Variants in MTMR7 observed in about 807,000 individuals in gnomAD.
The protein encoded by MTMR7 is myotubularin related protein 7.
Under a neutral mutation model 81.2 loss-of-function variants are expected in MTMR7, and 76 were observed. The observed-to-expected ratio is 0.94, with a 90% CI of 0.78 to 1.13. MTMR7 has a LOEUF of 1.13. Among genes scored for constraint, MTMR7 ranks in the 50% most tolerant of loss-of-function variants. MTMR7 has a pLI of 0.00. For synonymous variants in MTMR7, 372 were observed against 289.8 expected, an observed-to-expected ratio of 1.28 and a Z score of -2.88; for missense variants, 1,044 against 820.0, an observed-to-expected ratio of 1.27 and a Z score of -3.34.
Position 17,300,094 on chromosome 8 carries a change from C to A in MTMR7, c.1751G>T (p.Gly584Val), listed in dbSNP as rs760329234. The change falls in exon 14 of 14, where the codon GGG becomes GTG. Residue 584 changes from glycine (G) to valine (V), a missense_variant. By Grantham distance (109) the Gly-to-Val change is moderately radical. Transcript: ENST00000180173. ...CCGGGATGGAAATGATTTCATATTCCCACTGTAATCCTGGGGAGTGTTGGC... is the reference window on the plus strand; with the variant it reads ...CCGGGATGGAAATGATTTCATATTCACACTGTAATCCTGGGGAGTGTTGGC... ...SIANTPQDYS[G>V]NMKSFPSRSP... is the part of the protein sequence containing the mutation. The A allele has an allele frequency of 1.2e-6, 2 of 1,614,132 alleles. No homozygotes were observed. Among genetic ancestry groups the A allele is most frequent in the East Asian group, 4.5e-5 (2 of 44,878 alleles).
At chr8:17,389,433 G>A (rs1187703673) in intron 1 of MTMR7, among the ~76,000 whole-genome samples, 1 of 152,180 alleles carries the variant, frequency 6.6e-6, no homozygotes, top group Non-Finnish European at 1.5e-5. Flanking sequence ...GAGACACACG[G>A]TCCTTGGCTT....
At chr8:17,314,954 A>C (rs1290191015) in intron 7 of MTMR7, among the ~76,000 whole-genome samples, 1 of 152,176 alleles carries the variant, frequency 6.6e-6, no homozygotes, top group African/African-American at 2.4e-5. Context: ...AGAACGGTAA[A>C]TGAGAGGGTG....
At chr8:17,303,310 A>G (rs1042326481) in intron 12 of MTMR7, among the ~76,000 whole-genome samples, 1 of 152,192 alleles carries the variant, frequency 6.6e-6, no homozygotes, top group Non-Finnish European at 1.5e-5. Flanking sequence ...GTATGATAGA[A>G]TATTCTGCTA....
intron 5 of MTMR7, among the ~76,000 whole-genome samples, chr8:17,343,198 G>A (rs186548764): frequency 1.2e-4 from 19 of 152,132 alleles, no homozygotes; most frequent in East Asian, 7.7e-4. Flanking sequence ...AGGCCGAGGC[G>A]GGGGGATAAC....
chr8:17,302,816 G>A (rs1431265905), intron 12 of MTMR7, among the ~76,000 whole-genome samples: 2 of 147,880 alleles, frequency 1.4e-5, no homozygotes, highest in East Asian at 2.0e-4. Flanking sequence ...GGGTTCAAGC[G>A]ATTCTCCTGC....
chr8:17,399,664 G>C (rs1209201651), intron 1 of MTMR7, among the ~76,000 whole-genome samples: 2 of 152,010 alleles, frequency 1.3e-5, no homozygotes, highest in Non-Finnish European at 1.5e-5. Flanking sequence ...ACCTAGAATA[G>C]CCAAATGTAT....
chr8:17,383,285 T>C (rs572678496), intron 1 of MTMR7, among the ~76,000 whole-genome samples: 1 of 152,230 alleles, frequency 6.6e-6, no homozygotes, highest in South Asian at 2.1e-4. Flanking sequence ...CTGTGGTGCG[T>C]TCCTTTTAAC....
At chr8:17,323,101 C>T (rs1044379282) in intron 7 of MTMR7, among the ~76,000 whole-genome samples, 1 of 151,840 alleles carries the variant, frequency 6.6e-6, no homozygotes, top group African/African-American at 2.4e-5. Context: ...GCATACACCA[C>T]CACGCCCAGC....
chr8:17,357,057 C>T (rs991817009), intron 4 of MTMR7, among the ~76,000 whole-genome samples: 13 of 151,600 alleles, frequency 8.6e-5, no homozygotes, highest in African/African-American at 2.9e-4. Flanking sequence ...CAAAACACAA[C>T]CAACAAAAGA....
Position 17,304,427 on chromosome 8 carries a change from G to A in MTMR7, c.1445C>T (p.Thr482Ile), listed in dbSNP as rs375705557. ...NPLFRADHSQ[T>I]QGTLHLPTTP... is the part of the protein sequence containing the mutation. ...TGTAGGGAGATGAAGGGTTCCCTGAGTCTGGCTGTGATCAGCTCTAAACAG... is the reference window on the plus strand; with the variant it reads ...TGTAGGGAGATGAAGGGTTCCCTGAATCTGGCTGTGATCAGCTCTAAACAG... The change falls in exon 12 of 14, where the codon ACT becomes ATT. Residue 482 changes from threonine to isoleucine, a missense_variant. Thr to Ile is a moderately conservative substitution (Grantham distance 89). Transcript: ENST00000180173. 2 of 1,613,958 alleles carry A rather than the reference G, an allele frequency of 1.2e-6. No homozygotes were observed. Among genetic ancestry groups the A allele is most frequent in the African/African-American group, 2.7e-5 (2 of 74,932 alleles).
At chr8:17,310,826 C>G (rs1460824877) in intron 9 of MTMR7, among the ~76,000 whole-genome samples, 2 of 152,170 alleles carry the variant, frequency 1.3e-5, no homozygotes, top group Non-Finnish European at 2.9e-5. Context: ...CACTGAAGCA[C>G]TGTCTACCAA....
chr8:17,317,532 C>G (rs1282135731), intron 7 of MTMR7, among the ~76,000 whole-genome samples: 2 of 152,172 alleles, frequency 1.3e-5, no homozygotes, highest in African/African-American at 4.8e-5. Context: ...CTCCTGATCC[C>G]AGAGTCCCTG....
At chr8:17,374,750 T>G (rs1040624362) in intron 1 of MTMR7, among the ~76,000 whole-genome samples, 1 of 151,758 alleles carries the variant, frequency 6.6e-6, no homozygotes, top group African/African-American at 2.4e-5. Context: ...GAGGCAGAGG[T>G]TGCAGTGAGC....
At chr8:17,360,266 G>T (rs1820018910) in intron 4 of MTMR7, among the ~76,000 whole-genome samples, 2 of 152,116 alleles carry the variant, frequency 1.3e-5, no homozygotes, top group African/African-American at 4.8e-5. Flanking sequence ...AATCCCAGAA[G>T]ACTATTGGCC....
chr8:17,334,811 TC>T (rs1459068172), intron 6 of MTMR7, among the ~76,000 whole-genome samples: 6 of 152,104 alleles, frequency 3.9e-5, no homozygotes, highest in African/African-American at 1.4e-4. Context: ...GGAGTTGAAA[TC>T]TAAGGAAACT....
intron 1 of MTMR7, among the ~76,000 whole-genome samples, chr8:17,392,757 G>GA (rs1209911400): frequency 6.6e-6 from 1 of 152,216 alleles, no homozygotes. Context: ...TCCTCCAGAG[G>GA]AAAAAATATT....
intron 3 of MTMR7, 98 bp from the exon 4 acceptor site, chr8:17,361,372 G>A: frequency 2.9e-6 from 4 of 1,365,682 alleles, no homozygotes; most frequent in African/African-American, 1.4e-5. Context: ...GCCCAGAGAG[G>A]CCATCCCAAC....
intron 6 of MTMR7, among the ~76,000 whole-genome samples, chr8:17,333,340 C>T (rs576442718): frequency 2.0e-5 from 3 of 152,328 alleles, no homozygotes; most frequent in Admixed American, 6.5e-5. Context: ...TACCTATAGA[C>T]ATTGTTCTTC....
intron 1 of MTMR7, among the ~76,000 whole-genome samples, chr8:17,386,866 G>A (rs1472012206): frequency 6.6e-6 from 1 of 152,200 alleles, no homozygotes; most frequent in Admixed American, 6.5e-5. Context: ...CATAGAGCAG[G>A]CATGGCTCCT....
Sources: gnomAD v4.1 joint callset for allele counts (sites outside exome capture counted in the v4.1 genomes callset) on GRCh38, gnomAD v4.1.1 for gene constraint, MANE v1.5 for transcripts, NCBI Gene and HGNC (gene_info 2026-07-23, HGNC 2026-07-21) for gene names.